The following DNAH3 variants were observed in gnomAD, a reference collection of about 807,000 sequenced individuals.
DNAH3 encodes dynein axonemal heavy chain 3.
Under a neutral mutation model 432.5 loss-of-function variants are expected in DNAH3, and 332 were observed. The observed-to-expected ratio is 0.77, with a 90% CI of 0.70 to 0.84. The LOEUF is 0.84. Ranked by LOEUF, DNAH3 falls within the 40% of genes least tolerant of loss-of-function variation. The probability of loss-of-function intolerance (pLI) is 0.00; values close to 1 mark genes in which losing one functional copy is unlikely to be tolerated. For missense variants in DNAH3, 4,861 were observed against 5,114.0 expected (o/e 0.95, Z 1.51); for synonymous variants, 1,956 against 1,900.2 (o/e 1.03, Z -0.76).
At chr16:21,005,991 G>A (rs2087284610) in intron 41 of DNAH3, among the ~76,000 whole-genome samples, 1 of 151,992 alleles carries the variant, frequency 6.6e-6, no homozygotes, top group Non-Finnish European at 1.5e-5. Flanking sequence ...CTTACAATTG[G>A]TAGAAACAAC....
chr16:20,997,443 G>T (rs781546890), exon 44 of DNAH3: 2 of 1,614,106 alleles, frequency 1.2e-6, no homozygotes, highest in South Asian at 1.1e-5. Flanking sequence ...ACACCTCTTT[G>T]GCTGGCATGT....
intron 51 of DNAH3, among the ~76,000 whole-genome samples, chr16:20,971,842 A>G (rs2085356362): frequency 6.6e-6 from 1 of 152,218 alleles, no homozygotes; most frequent in Non-Finnish European, 1.5e-5. Flanking sequence ...TATAGAGCAA[A>G]GTACAGCAGT....
intron 1 of DNAH3, among the ~76,000 whole-genome samples, chr16:21,148,925 T>G (rs2092819827): frequency 6.6e-6 from 1 of 152,042 alleles, no homozygotes; most frequent in South Asian, 2.1e-4. Context: ...TGTGCAAAAT[T>G]GTTTGTTAAA....
intron 52 of DNAH3, among the ~76,000 whole-genome samples, chr16:20,966,014 A>ATTTTTTTTTTTT (rs555983378): frequency 3.3e-4 from 16 of 48,386 alleles, no homozygotes; most frequent in African/African-American, 4.9e-4. Context: ...TGCCCAGCCA[A>ATTTTTTTTTTTT]TTTTTTTTTT....
At chr16:20,965,324 G>A in exon 53 of DNAH3, 2 of 1,608,698 alleles carry the variant, frequency 1.2e-6, no homozygotes, top group Non-Finnish European at 8.5e-7. Context: ...TTCATGGTCA[G>A]TGGGGGGATG....
chr16:21,138,113 T>A (rs1005232892), intron 5 of DNAH3, among the ~76,000 whole-genome samples: 1 of 151,722 alleles, frequency 6.6e-6, no homozygotes, highest in Non-Finnish European at 1.5e-5. Flanking sequence ...CCAGGTGGGG[T>A]GGTGCATACC....
intron 1 of DNAH3, among the ~76,000 whole-genome samples, chr16:21,151,375 C>T (rs1164950515): frequency 4.1e-5 from 6 of 146,998 alleles, no homozygotes; most frequent in African/African-American, 7.6e-5. Context: ...GGCTGCAGTG[C>T]AGTGGCGTGA....
At position 21,098,294 on chromosome 16, in the gene DNAH3, C is replaced by T. The variant is rs141534675; in HGVS notation, c.2520+322G>A. 9.4e-3 allele frequency among the ~76,000 whole-genome samples: 1,434 copies of T among 151,954 alleles called. 33 individuals carry two copies. Among genetic ancestry groups the T allele is most frequent in the African/African-American group, 0.033 (1,372 of 41,420 alleles). On this transcript the variant is annotated intron_variant, in intron 17 of 61. Transcript: ENST00000261383. The stretch of plus-strand genomic sequence containing the variant: ...CTCTATTAAAAATACAAAAAATGAG[C>T]TGGGCATGGTGGCACACGCCTGTAA...
chr16:21,133,713 C>T (rs2092602806), intron 7 of DNAH3, among the ~76,000 whole-genome samples: 1 of 152,158 alleles, frequency 6.6e-6, no homozygotes, highest in Non-Finnish European at 1.5e-5. Flanking sequence ...GCACTCCAGC[C>T]TGGGTAACAA....
At chr16:21,078,167 C>T (rs941870882) in intron 20 of DNAH3, among the ~76,000 whole-genome samples, 1 of 149,378 alleles carries the variant, frequency 6.7e-6, no homozygotes, top group Non-Finnish European at 1.5e-5. Flanking sequence ...CCCAGCTACT[C>T]AGGAGGCTGA....
chr16:20,964,516 G>A, exon 53 of DNAH3: 1 of 1,614,148 alleles, frequency 6.2e-7, no homozygotes, highest in Non-Finnish European at 8.5e-7. Flanking sequence ...CAAGACAGGG[G>A]TGCCTAACTG....
chr16:21,093,854 C>T (rs2091605411), intron 18 of DNAH3, among the ~76,000 whole-genome samples: 1 of 151,926 alleles, frequency 6.6e-6, no homozygotes, highest in African/African-American at 2.4e-5. Context: ...AACCATTGGA[C>T]ATTTATATGT....
At chr16:21,037,784 C>T in exon 34 of DNAH3, 2 of 1,614,166 alleles carry the variant, frequency 1.2e-6, no homozygotes, top group Non-Finnish European at 8.5e-7. Flanking sequence ...ACATCTTGCG[C>T]TAAGAACTTG....
chr16:21,148,924 T>C (rs1333090846), intron 1 of DNAH3, among the ~76,000 whole-genome samples: 5 of 152,008 alleles, frequency 3.3e-5, no homozygotes, highest in South Asian at 2.1e-4. Context: ...TTGTGCAAAA[T>C]TGTTTGTTAA....
At chr16:20,996,035 TG>T (rs1368035215) in intron 44 of DNAH3, among the ~76,000 whole-genome samples, 2 of 152,214 alleles carry the variant, frequency 1.3e-5, no homozygotes, top group African/African-American at 2.4e-5. Context: ...TTGGAATCTG[TG>T]GGGATACCTT....
In DNAH3 at chr16:21,080,497, G is replaced by C. The variant is rs144325687; in HGVS notation, c.2969+1139C>G. On this transcript the variant is annotated intron_variant, in intron 20 of 61. Transcript: ENST00000261383. Reference sequence around the variant, plus strand: ...GTAGTATGTCTTCGAAATCCAGCCTGTATTTTATACTTACAGCACATCTAA... The same window carrying C: ...GTAGTATGTCTTCGAAATCCAGCCTCTATTTTATACTTACAGCACATCTAA... Among the ~76,000 whole-genome samples, 21 of 152,280 alleles carry C rather than the reference G, an allele frequency of 1.4e-4. 2 individuals are homozygous for C. The East Asian group carries it at 3.9e-3, about 28-fold the overall frequency.
At chr16:20,949,193 T>A in intron 56 of DNAH3, among the ~76,000 whole-genome samples, 1 of 146,358 alleles carries the variant, frequency 6.8e-6, no homozygotes, top group East Asian at 2.0e-4. Context: ...GGTTAATACT[T>A]GAGCTGTCTG....
exon 9 of DNAH3, chr16:21,125,246 T>C (rs113032688): frequency 1.9e-6 from 3 of 1,613,868 alleles, no homozygotes; most frequent in Non-Finnish European, 1.7e-6. Flanking sequence ...TGCAGCGACA[T>C]GAATGATGCC....
intron 53 of DNAH3, among the ~76,000 whole-genome samples, chr16:20,960,873 C>T (rs1365571475): frequency 6.6e-6 from 1 of 152,182 alleles, no homozygotes; most frequent in Non-Finnish European, 1.5e-5. Flanking sequence ...AGTGTGAGTT[C>T]ACGGTACTCT....
Sources: gnomAD v4.1 joint callset for allele counts (sites outside exome capture counted in the v4.1 genomes callset) on GRCh38, gnomAD v4.1.1 for gene constraint, MANE v1.5 for transcripts, NCBI Gene and HGNC (gene_info 2026-07-23, HGNC 2026-07-21) for gene names.